The following CORO7 variants were observed in gnomAD, a reference collection of about 807,000 sequenced individuals.
CORO7 encodes coronin 7, also known as coronin-7.
In CORO7, 107 loss-of-function variants were observed where a neutral mutation model predicts 126.6. That is an observed-to-expected ratio of 0.85 (90% confidence interval 0.72 to 0.99). The LOEUF is 0.99. Ranked by LOEUF, CORO7 falls within the 50% of genes least tolerant of loss-of-function variation. The probability of loss-of-function intolerance (pLI) is 0.00; values close to 1 mark genes in which losing one functional copy is unlikely to be tolerated. For missense variants in CORO7, 1,314 were observed against 1,255.8 expected, an observed-to-expected ratio of 1.05 and a Z score of -0.70; for synonymous variants, 603 against 536.8, an observed-to-expected ratio of 1.12 and a Z score of -1.70.
chr16:4,395,990 C>T (rs2055573266), intron 6 of CORO7, among the ~76,000 whole-genome samples: 1 of 46,052 alleles, frequency 2.2e-5, no homozygotes, highest in Admixed American at 2.0e-4. Context: ...TGTGTGCATG[C>T]ACACGTTGTG....
chr16:4,411,713 C>T (rs1010107774), intron 3 of CORO7, among the ~76,000 whole-genome samples: 3 of 152,044 alleles, frequency 2.0e-5, no homozygotes, highest in African/African-American at 7.2e-5. Context: ...CAACTGCCTT[C>T]CCTCACCCGA....
At chr16:4,391,098 C>T (rs1202785401) in intron 7 of CORO7, among the ~76,000 whole-genome samples, 1 of 152,202 alleles carries the variant, frequency 6.6e-6, no homozygotes, top group Non-Finnish European at 1.5e-5. Context: ...TACCCTGTAA[C>T]TCCTCATCAA....
intron 7 of CORO7, among the ~76,000 whole-genome samples, chr16:4,393,568 T>C (rs1329501223): frequency 6.6e-6 from 1 of 152,194 alleles, no homozygotes; most frequent in East Asian, 1.9e-4. Context: ...ACTGGGTTTC[T>C]CTCCTGAGTC....
intron 6 of CORO7, among the ~76,000 whole-genome samples, chr16:4,400,933 T>C (rs1281493889): frequency 6.6e-6 from 1 of 152,160 alleles, no homozygotes; most frequent in Non-Finnish European, 1.5e-5. Context: ...AAAATCCTTA[T>C]ACAACTTGCT....
chr16:4,374,287 A>C (rs2054638157), intron 9 of CORO7, among the ~76,000 whole-genome samples: 1 of 151,826 alleles, frequency 6.6e-6, no homozygotes, highest in African/African-American at 2.4e-5. Flanking sequence ...AGTCAGCCGG[A>C]TCGCTTTCCC....
intron 7 of CORO7, 123 bp from the exon 8 acceptor site, chr16:4,388,754 G>T: frequency 9.3e-7 from 1 of 1,073,370 alleles, no homozygotes; most frequent in Non-Finnish European, 1.3e-6. Flanking sequence ...CAGAGGGTGG[G>T]AAGGGCTGGG....
intron 2 of CORO7, 37 bp from the exon 3 acceptor site, chr16:4,412,467 C>T: frequency 6.2e-7 from 1 of 1,610,602 alleles, no homozygotes; most frequent in South Asian, 1.1e-5. Context: ...CTTCAGGCCC[C>T]ACAGGGCCAC....
rs762515736 is a variant in CORO7 at position 4,365,025 on chromosome 16, C to T, written c.876G>A (p.Pro292=). 15 of 1,605,592 alleles carry T rather than the reference C, an allele frequency of 9.3e-6. No individual in the cohort carries two copies. Among genetic ancestry groups the T allele is most frequent in the South Asian group, 3.3e-5 (3 of 89,764 alleles). Residue 292 remains proline (P), a synonymous_variant, in exon 11 of 28, where the codon CCG becomes CCA. Transcript: ENST00000251166. ...ERQLYCYEVV[P]QQPALSPVTQ... is the part of the protein sequence containing the mutation. ...TACCTGGGCTCAGCGCCGGCTGCTG[C>T]GGGACCACCTCGTAACAGTACAGCT...
chr16:4,406,424 T>C (rs2055999700), intron 5 of CORO7, among the ~76,000 whole-genome samples: 1 of 152,140 alleles, frequency 6.6e-6, no homozygotes, highest in Non-Finnish European at 1.5e-5. Context: ...GCCTCTTGAG[T>C]ACCTGGGACA....
rs372260567 is a variant in CORO7, at chr16:4,387,971, T to C, written c.785+15A>G. On this transcript the variant is annotated intron_variant, in intron 9 of 27. Transcript: ENST00000251166. The stretch of plus-strand genomic sequence containing the variant: ...TCATCAGCCCCCCAGCCCACCTGCG[T>C]GCCGCAGCTCCTACCCAAGCGAGGT... 9 of 1,612,414 alleles carry C rather than the reference T, an allele frequency of 5.6e-6. No homozygotes were observed. The African/African-American group carries it at 1.2e-4, about 22-fold the overall frequency.
At chr16:4,400,797 C>CAATAAT (rs373023916) in intron 6 of CORO7, among the ~76,000 whole-genome samples, 10,175 of 139,182 alleles carry the variant, frequency 0.073, 432 homozygotes, top group Non-Finnish European at 0.084. Flanking sequence ...TCCAGCAGTG[C>CAATAAT]AATAATAATA....
chr16:4,383,864 C>T (rs1015454862), intron 9 of CORO7, among the ~76,000 whole-genome samples: 2 of 152,242 alleles, frequency 1.3e-5, no homozygotes, highest in African/African-American at 2.4e-5. Flanking sequence ...GTCTGATGGG[C>T]AGTTCACTGC....
chr16:4,410,726 G>A (rs1453523790), intron 3 of CORO7, among the ~76,000 whole-genome samples: 2 of 152,182 alleles, frequency 1.3e-5, no homozygotes, highest in Admixed American at 6.5e-5. Context: ...CTATAGAGGA[G>A]AGGCCAGTAA....
intron 7 of CORO7, among the ~76,000 whole-genome samples, chr16:4,389,478 T>C (rs2055311238): frequency 1.3e-5 from 2 of 152,120 alleles, no homozygotes; most frequent in Non-Finnish European, 2.9e-5. Context: ...CACGATCTCC[T>C]TGGGAATGAA....
chr16:4,395,413 A>C, intron 6 of CORO7, 74 bp from the exon 7 acceptor site: 1 of 1,593,964 alleles, frequency 6.3e-7, no homozygotes, highest in South Asian at 1.1e-5. Context: ...TGCTCCCCTC[A>C]CCTCCCAACC....
chr16:4,389,267 C>T (rs2055303097), intron 7 of CORO7, among the ~76,000 whole-genome samples: 1 of 152,206 alleles, frequency 6.6e-6, no homozygotes, highest in Non-Finnish European at 1.5e-5. Flanking sequence ...AGCAGGAAGG[C>T]TCCCGGCCCC....
intron 9 of CORO7, chr16:4,382,174 C>T: frequency 6.3e-7 from 1 of 1,596,326 alleles, no homozygotes; most frequent in Non-Finnish European, 8.5e-7. Context: ...GTGCTTGTGC[C>T]CCGAAGGCTT....
chr16:4,358,248 G>T, intron 24 of CORO7, 119 bp downstream of exon 24: 4 of 1,528,886 alleles, frequency 2.6e-6, no homozygotes, highest in Non-Finnish European at 3.5e-6. Context: ...GCAGAAGGGG[G>T]TAGGTGTCCC....
chr16:4,367,520 G>GGA (rs1228614293), intron 9 of CORO7, among the ~76,000 whole-genome samples: 1 of 152,164 alleles, frequency 6.6e-6, no homozygotes, highest in African/African-American at 2.4e-5. Context: ...TAGCACAAGA[G>GGA]GCAGACAGAC....
Sources: gnomAD v4.1 joint callset for allele counts (sites outside exome capture counted in the v4.1 genomes callset) on GRCh38, gnomAD v4.1.1 for gene constraint, MANE v1.5 for transcripts, NCBI Gene and HGNC (gene_info 2026-07-23, HGNC 2026-07-21) for gene names.